ZDHHC11B: variants seen among roughly 807,000 people sequenced by gnomAD.
The protein encoded by ZDHHC11B is zDHHC palmitoyltransferase 11B (putative), also known as probable palmitoyltransferase ZDHHC11B.
Under a neutral mutation model 42.3 loss-of-function variants are expected in ZDHHC11B, and 17 were observed. That is an observed-to-expected ratio of 0.40 (90% CI 0.27 to 0.60). The LOEUF (loss-of-function observed/expected upper bound fraction) is 0.60, where lower values mean the gene tolerates loss of function less well. Ranked by LOEUF, ZDHHC11B falls within the 20% of genes least tolerant of loss-of-function variation. ZDHHC11B has a pLI of 0.41. For synonymous variants in ZDHHC11B, 123 were observed against 193.5 expected (o/e 0.64, Z 3.02); for missense variants, 262 against 463.2 (o/e 0.57, Z 3.99).
chr5:729,106 G>A (rs1487854427), intron 12 of ZDHHC11B, among the ~76,000 whole-genome samples: 1 of 151,476 alleles, frequency 6.6e-6, no homozygotes, highest in Non-Finnish European at 1.5e-5. Context: ...GGGAGACCGG[G>A]AGGCATGCGG....
At chr5:752,807 G>C (rs1745951505) in intron 6 of ZDHHC11B, among the ~76,000 whole-genome samples, 1 of 104,058 alleles carries the variant, frequency 9.6e-6, no homozygotes, top group African/African-American at 2.9e-5. Flanking sequence ...GCCCTACCCT[G>C]CCCCCAGTCC....
chr5:737,369 C>T (rs448022), intron 10 of ZDHHC11B, among the ~76,000 whole-genome samples: 59 of 149,310 alleles, frequency 4.0e-4, no homozygotes, highest in Non-Finnish European at 6.9e-4. Flanking sequence ...CTGAATTCTA[C>T]CAGGCATCCA....
rs777977006 is a variant in ZDHHC11B at position 766,900 on chromosome 5, C to T, written c.20G>A (p.Ser7Asn). Reference protein sequence around the residue: MDTRSGSQCSVTPEAIR... With the variant: MDTRSGNQCSVTPEAIR... ...GGCTTCTGGGGTGACGGAACACTGG[C>T]TCCCGGAGCGGGTGTCCATCTGCAG... Residue 7 changes from serine to asparagine, a missense_variant, in exon 4 of 14, where the codon AGC (serine) becomes AAC (asparagine). Ser to Asn is a conservative substitution (Grantham distance 46). Coordinates refer to ENST00000508859, the MANE Select transcript of ZDHHC11B (RefSeq NM_001351303.2). 5 of 1,612,306 alleles carry T rather than the reference C, an allele frequency of 3.1e-6. No homozygotes were observed. The Admixed American group carries it at 8.3e-5, about 27-fold the overall frequency.
At chr5:780,773 G>T (rs541719477) in intron 1 of ZDHHC11B, among the ~76,000 whole-genome samples, 1,386 of 151,354 alleles carry the variant, frequency 9.2e-3, no homozygotes, top group African/African-American at 0.032. Flanking sequence ...CTTCACCCCA[G>T]TGGCTCTGTC....
At chr5:759,373 G>T (rs545799934) in intron 4 of ZDHHC11B, among the ~76,000 whole-genome samples, 1 of 151,920 alleles carries the variant, frequency 6.6e-6, no homozygotes, top group Non-Finnish European at 1.5e-5. Context: ...GTGCGGTCAC[G>T]TCTTGTCGTC....
chr5:776,605 G>C (rs1316319122), intron 1 of ZDHHC11B, among the ~76,000 whole-genome samples: 1 of 151,822 alleles, frequency 6.6e-6, no homozygotes, highest in Non-Finnish European at 1.5e-5. Flanking sequence ...TGGTGAATGG[G>C]ACAGCAACAT....
chr5:714,266 C>T (rs879683311), intron 13 of ZDHHC11B, among the ~76,000 whole-genome samples: 5 of 138,188 alleles, frequency 3.6e-5, no homozygotes, highest in South Asian at 2.2e-4. Flanking sequence ...CTGTATTCCA[C>T]GATCTTTAAA....
At chr5:739,448 G>T (rs1234162459) in intron 10 of ZDHHC11B, among the ~76,000 whole-genome samples, 1 of 150,820 alleles carries the variant, frequency 6.6e-6, no homozygotes, top group Non-Finnish European at 1.5e-5. Context: ...TCAAAAAGTG[G>T]GCAACATTCA....
chr5:759,070 T>G (rs1488817184), intron 4 of ZDHHC11B, among the ~76,000 whole-genome samples: 2 of 151,906 alleles, frequency 1.3e-5, no homozygotes, highest in Non-Finnish European at 2.9e-5. Context: ...TAGTGTTTTA[T>G]GTTCCAATGA....
At chr5:759,931 G>T (rs1194648610) in intron 4 of ZDHHC11B, among the ~76,000 whole-genome samples, 9 of 151,904 alleles carry the variant, frequency 5.9e-5, no homozygotes, top group African/African-American at 2.2e-4. Context: ...GCCCGAGGGG[G>T]TCGCTGAGGT....
At chr5:746,329 A>G (rs544986341) in intron 8 of ZDHHC11B, among the ~76,000 whole-genome samples, 2 of 147,284 alleles carry the variant, frequency 1.4e-5, no homozygotes, top group Non-Finnish European at 3.0e-5. Context: ...CCCTCACAGG[A>G]TGCGTCTCAC....
rs1323527946 is a variant in ZDHHC11B at position 711,512 on chromosome 5, A to G, written c.*778T>C. ...GCTTCCATTTCCCAGTACTGTGCTC[A>G]TATTTCCCAGTACTGTGCTCCCATT... is the stretch of plus-strand genomic sequence containing the variant. On this transcript the variant is annotated 3_prime_UTR_variant, in exon 14 of 14. Coordinates refer to ENST00000508859, the MANE Select transcript of ZDHHC11B (RefSeq NM_001351303.2). 8.5e-6 allele frequency: 1 copy of G among 117,956 alleles called. No individual in the cohort carries two copies. Among genetic ancestry groups the G allele is most frequent in the Non-Finnish European group, 1.7e-5 (1 of 57,504 alleles). The allele number at this position is 117,956 out of a possible 1,614,324, so 7.3% of individuals were successfully genotyped here. A position where few individuals can be genotyped will look rare whatever the true frequency, so the allele number is the denominator to read the frequency against.
At chr5:765,809 C>T (rs1462353679) in intron 4 of ZDHHC11B, among the ~76,000 whole-genome samples, 7 of 152,014 alleles carry the variant, frequency 4.6e-5, no homozygotes, top group African/African-American at 1.7e-4. Context: ...GAACAAACTC[C>T]AGACACGCCG....
chr5:767,167 G>T (rs1430402480), intron 3 of ZDHHC11B, among the ~76,000 whole-genome samples: 1 of 151,968 alleles, frequency 6.6e-6, no homozygotes, highest in African/African-American at 2.4e-5. Context: ...AGAGCCGAGT[G>T]GCAACAGAAA....
At chr5:777,656 C>T (rs1736637236) in intron 1 of ZDHHC11B, among the ~76,000 whole-genome samples, 1 of 151,920 alleles carries the variant, frequency 6.6e-6, no homozygotes, top group South Asian at 2.1e-4. Context: ...TTTTACAGAG[C>T]GTTGATTGGT....
At chr5:771,294 A>T (rs1189310471) in intron 1 of ZDHHC11B, among the ~76,000 whole-genome samples, 1 of 151,682 alleles carries the variant, frequency 6.6e-6, no homozygotes, top group African/African-American at 2.4e-5. Context: ...CCCCCAAAAC[A>T]GCCGGAAAAA....
At chr5:725,108 A>G (rs411427) in intron 12 of ZDHHC11B, among the ~76,000 whole-genome samples, 2 of 149,122 alleles carry the variant, frequency 1.3e-5, no homozygotes, top group African/African-American at 5.1e-5. Context: ...CGAATGTGGG[A>G]CCCGGATGAC....
intron 8 of ZDHHC11B, among the ~76,000 whole-genome samples, chr5:745,894 A>T (rs1579321021): frequency 6.7e-6 from 1 of 149,688 alleles, no homozygotes; most frequent in East Asian, 2.1e-4. Context: ...CAGGCCCAGG[A>T]GGTGAACACG....
At chr5:725,979 C>A (rs1351430579) in intron 12 of ZDHHC11B, among the ~76,000 whole-genome samples, 2 of 150,250 alleles carry the variant, frequency 1.3e-5, no homozygotes, top group African/African-American at 4.9e-5. Context: ...CTGAATGAGG[C>A]GCTGGGGATT....
Sources: allele counts gnomAD v4.1 joint callset (sites outside exome capture counted in the v4.1 genomes callset), GRCh38; gene constraint gnomAD v4.1.1; transcripts MANE v1.5; gene names NCBI Gene and HGNC (gene_info 2026-07-23, HGNC 2026-07-21).